Variants in KHDRBS2 observed in about 807,000 individuals in gnomAD.
The protein encoded by KHDRBS2 is KH RNA binding domain containing, signal transduction associated 2, also known as KH domain-containing, RNA-binding, signal transduction-associated protein 2.
KHDRBS2 carries 26 observed loss-of-function variants against 44.3 expected under a neutral mutation model. The ratio of observed to expected loss-of-function variants is 0.59; its 90% confidence interval spans 0.43 to 0.81. The LOEUF (loss-of-function observed/expected upper bound fraction) is 0.81, where lower values mean the gene tolerates loss of function less well. KHDRBS2 is among the 40% of genes least tolerant of loss of function. The pLI, the probability that KHDRBS2 is intolerant of heterozygous loss-of-function variation, is 0.00. For missense variants in KHDRBS2, 476 were observed against 433.1 expected, an observed-to-expected ratio of 1.10 and a Z score of -0.88; for synonymous variants, 194 against 151.1, an observed-to-expected ratio of 1.28 and a Z score of -2.08.
intron 3 of KHDRBS2, among the ~76,000 whole-genome samples, chr6:62,014,357 T>C (rs561289437): frequency 5.5e-4 from 83 of 152,252 alleles, no homozygotes; most frequent in Middle Eastern, 3.4e-3. Context: ...TAAAAAAGTG[T>C]TTTCTTTCTG....
chr6:62,076,994 T>C (rs1796473371), intron 2 of KHDRBS2, among the ~76,000 whole-genome samples: 1 of 151,924 alleles, frequency 6.6e-6, no homozygotes, highest in South Asian at 2.1e-4. Context: ...TGCAATGAAC[T>C]ATGATTCCAT....
chr6:62,210,148 A>G (rs917964230), intron 1 of KHDRBS2, among the ~76,000 whole-genome samples: 4 of 152,134 alleles, frequency 2.6e-5, no homozygotes, highest in African/African-American at 9.7e-5. Flanking sequence ...TAATCTGCTA[A>G]AAAAGTATAT....
the KHDRBS2 span, among the ~76,000 whole-genome samples, chr6:61,575,891 G>C: frequency 1.6e-4 from 24 of 152,022 alleles, no homozygotes; most frequent in Admixed American, 1.6e-3. Context: ...CTTATAATTG[G>C]GAGCTAAGCT....
At chr6:62,197,261 G>A (rs1210982656) in intron 1 of KHDRBS2, among the ~76,000 whole-genome samples, 3 of 152,030 alleles carry the variant, frequency 2.0e-5, no homozygotes, top group Admixed American at 6.6e-5. Flanking sequence ...ATGCAAATGG[G>A]ATAAAGATAG....
chr6:61,571,123 A>T, the KHDRBS2 span, among the ~76,000 whole-genome samples: 1 of 152,126 alleles, frequency 6.6e-6, no homozygotes, highest in Non-Finnish European at 1.5e-5. Context: ...AAGATACAGA[A>T]TGGCAGAATA....
At chr6:61,769,652 A>C (rs1582715425) in intron 6 of KHDRBS2, among the ~76,000 whole-genome samples, 1 of 152,138 alleles carries the variant, frequency 6.6e-6, no homozygotes, top group African/African-American at 2.4e-5. Context: ...GCCATTGCCG[A>C]GTTACTTGTT....
intron 1 of KHDRBS2, among the ~76,000 whole-genome samples, chr6:62,196,955 C>G (rs1196881606): frequency 2.6e-5 from 4 of 152,048 alleles, no homozygotes; most frequent in South Asian, 2.1e-4. Flanking sequence ...CTAATAGGTC[C>G]AGTACTATGT....
At chr6:62,177,968 A>G (rs1280966355) in intron 1 of KHDRBS2, among the ~76,000 whole-genome samples, 1 of 151,482 alleles carries the variant, frequency 6.6e-6, no homozygotes, top group African/African-American at 2.4e-5. Context: ...TTTTTGAATC[A>G]ATTTATTCCA....
At chr6:61,999,975 T>C (rs1196845601) in intron 3 of KHDRBS2, among the ~76,000 whole-genome samples, 3 of 152,180 alleles carry the variant, frequency 2.0e-5, no homozygotes, top group Non-Finnish European at 4.4e-5. Flanking sequence ...ACAAAAACTA[T>C]TATACTGTAT....
At chr6:62,252,140 G>C (rs1836653600) in intron 1 of KHDRBS2, among the ~76,000 whole-genome samples, 1 of 151,598 alleles carries the variant, frequency 6.6e-6, no homozygotes, top group Non-Finnish European at 1.5e-5. Flanking sequence ...ATTTTTAATA[G>C]GCTTTGACAA....
At chr6:61,852,029 C>G (rs1047959100) in intron 6 of KHDRBS2, among the ~76,000 whole-genome samples, 1 of 152,024 alleles carries the variant, frequency 6.6e-6, no homozygotes, top group Admixed American at 6.6e-5. Context: ...CAAGACCAGC[C>G]TGGCCAACAT....
chr6:62,110,383 G>T (rs1321736920), intron 2 of KHDRBS2, among the ~76,000 whole-genome samples: 1 of 151,940 alleles, frequency 6.6e-6, no homozygotes, highest in Non-Finnish European at 1.5e-5. Flanking sequence ...ACTAACATTT[G>T]CAGCAGTTTT....
intron 2 of KHDRBS2, among the ~76,000 whole-genome samples, chr6:62,126,193 A>G (rs76720371): frequency 0.075 from 11,436 of 152,136 alleles, 460 homozygotes; most frequent in African/African-American, 0.087. Context: ...AGTGAACATT[A>G]GCGTAGCTTG....
intron 7 of KHDRBS2, among the ~76,000 whole-genome samples, chr6:61,717,607 T>G (rs963847533): frequency 6.6e-6 from 1 of 152,126 alleles, no homozygotes; most frequent in Non-Finnish European, 1.5e-5. Context: ...TAGTGAATAG[T>G]GCCACTTAAA....
the KHDRBS2 span, among the ~76,000 whole-genome samples, chr6:61,584,868 T>G: frequency 2.6e-5 from 4 of 151,478 alleles, no homozygotes; most frequent in South Asian, 4.2e-4. Context: ...AACAAAAAAA[T>G]TTTAAAGCGT....
At chr6:62,151,815 A>T (rs1016160665) in intron 2 of KHDRBS2, among the ~76,000 whole-genome samples, 2 of 152,214 alleles carry the variant, frequency 1.3e-5, no homozygotes, top group African/African-American at 4.8e-5. Context: ...TCAAATAAAG[A>T]TAGAGTGTAA....
intron 2 of KHDRBS2, among the ~76,000 whole-genome samples, chr6:62,129,071 T>C (rs1015658227): frequency 6.6e-6 from 1 of 152,108 alleles, no homozygotes; most frequent in Non-Finnish European, 1.5e-5. Context: ...CAAATGTGTA[T>C]CATATTCAAT....
chr6:61,615,130 G>T, the KHDRBS2 span, among the ~76,000 whole-genome samples: 2,220 of 148,854 alleles, frequency 0.015, 59 homozygotes, highest in African/African-American at 0.053. Context: ...CTACTCGGGA[G>T]GCTGAGGCAG....
At chr6:61,773,934 G>T (rs1057509294) in intron 6 of KHDRBS2, among the ~76,000 whole-genome samples, 2 of 151,966 alleles carry the variant, frequency 1.3e-5, no homozygotes, top group Non-Finnish European at 2.9e-5. Context: ...TCTCAGGTTT[G>T]TCAAAGATCA....
Sources: gnomAD v4.1 joint callset for allele counts (sites outside exome capture counted in the v4.1 genomes callset) on GRCh38, gnomAD v4.1.1 for gene constraint, MANE v1.5 for transcripts, NCBI Gene and HGNC (gene_info 2026-07-23, HGNC 2026-07-21) for gene names.